Variants in SREBF1 observed in about 807,000 individuals in gnomAD.
SREBF1 encodes the protein sterol regulatory element-binding protein 1.
Under a neutral mutation model 100.1 loss-of-function variants are expected in SREBF1, and 45 were observed. That is an observed-to-expected ratio of 0.45 (90% CI 0.35 to 0.58). The LOEUF (loss-of-function observed/expected upper bound fraction) is 0.58, where lower values mean the gene tolerates loss of function less well. Among genes scored for constraint, SREBF1 ranks in the 20% least tolerant of loss-of-function variants. The pLI is 0.00. For synonymous variants in SREBF1, 657 were observed against 681.8 expected (o/e 0.96, Z 0.57); for missense variants, 1,324 against 1,539.4 (o/e 0.86, Z 2.34).
chr17:17,829,217 T>A (rs376801286), intron 1 of SREBF1, among the ~76,000 whole-genome samples: 47,931 of 116,426 alleles, frequency 0.41, 12,175 homozygotes, highest in Non-Finnish European at 0.54. Flanking sequence ...TATATATATA[T>A]ATATATATAT....
chr17:17,822,298 T>C (rs963031625), intron 1 of SREBF1, among the ~76,000 whole-genome samples: 14 of 152,236 alleles, frequency 9.2e-5, no homozygotes, highest in Admixed American at 2.6e-4. Flanking sequence ...AGACCAAGGC[T>C]TAGGGCCAAG....
chr17:17,812,093 T>C lies in SREBF1; in HGVS notation c.*529A>G. The C allele has an allele frequency of 2.3e-6, 1 of 432,462 alleles. No individual in the cohort carries two copies. Among genetic ancestry groups the C allele is most frequent in the Non-Finnish European group, 4.5e-6 (1 of 221,584 alleles). 26.8% of individuals were successfully genotyped at this position (432,462 alleles called of 1,614,324 possible). On this transcript the variant is annotated 3_prime_UTR_variant, in exon 19 of 19. Transcript: ENST00000261646. ...AAACCCAGATTATAAATAATTTCAT[T>C]TTTAATTCTCTGTACAAAACTTCTC...
Position 17,812,792 on chromosome 17 carries a change from G to A in SREBF1, c.3274C>T (p.Leu1092=). 3.9e-6 allele frequency: 6 copies of A among 1,524,996 alleles called. No individual in the cohort carries two copies. Among genetic ancestry groups the A allele is most frequent in the Non-Finnish European group, 5.3e-6 (6 of 1,137,800 alleles). 94.5% of individuals were successfully genotyped at this position (1,524,996 alleles called of 1,614,324 possible). A position where few individuals can be genotyped will look rare whatever the true frequency, so the allele number is the denominator to read the frequency against. ...TRREHAEALL[L]ASCYLPPGFL... ...CCGGGGGGCAGGTAGCAGGAGGCCAGCAGCAAGGCCTCCGCGTGCTCCCGC... is the reference window on the plus strand; with the variant it reads ...CCGGGGGGCAGGTAGCAGGAGGCCAACAGCAAGGCCTCCGCGTGCTCCCGC... Residue 1092 remains leucine, a synonymous_variant, in exon 19 of 19, where the codon CTG becomes TTG. Coordinates refer to ENST00000261646, the MANE Select transcript of SREBF1 (RefSeq NM_004176.5).
intron 1 of SREBF1, among the ~76,000 whole-genome samples, chr17:17,826,427 C>T (rs981519300): frequency 7.2e-5 from 11 of 152,096 alleles, no homozygotes; most frequent in African/African-American, 2.7e-4. Flanking sequence ...TCTCTAGGGG[C>T]TCACTGTGGC....
intron 1 of SREBF1, among the ~76,000 whole-genome samples, chr17:17,822,190 G>A (rs2034149677): frequency 1.3e-5 from 2 of 152,220 alleles, no homozygotes; most frequent in Non-Finnish European, 2.9e-5. Context: ...TCAAACCCAG[G>A]TCTACAAAAT....
chr17:17,829,819 T>C (rs943173232), intron 1 of SREBF1, among the ~76,000 whole-genome samples: 1 of 152,014 alleles, frequency 6.6e-6, no homozygotes, highest in Non-Finnish European at 1.5e-5. Flanking sequence ...CCAAGCTAAT[T>C]TTTTTAGTTT....
Position 17,813,442 on chromosome 17 carries a change from C to T in SREBF1, c.3140G>A (p.Gly1047Glu). 6.2e-7 allele frequency: 1 copy of T among 1,604,724 alleles called. No homozygotes were observed. The highest frequency in any genetic ancestry group is 1.1e-5 in the South Asian group (1 of 89,646). The change falls in exon 18 of 19, where the codon GGG (glycine) becomes GAG (glutamate). Residue 1047 changes from glycine (G) to glutamate (E), a missense_variant. By Grantham distance (98) the Gly-to-Glu change is moderately conservative. Coordinates refer to ENST00000261646, the MANE Select transcript of SREBF1 (RefSeq NM_004176.5). ...LHEATARLMA[G>E]ASPTRTHQLL... ...CTGGTGTGTCCGTGTGGGGCTGGCCCCCGCCATCAGCCGGGCCGTGGCCTC... is the reference window on the plus strand; with the variant it reads ...CTGGTGTGTCCGTGTGGGGCTGGCCTCCGCCATCAGCCGGGCCGTGGCCTC...
intron 1 of SREBF1, among the ~76,000 whole-genome samples, chr17:17,825,259 A>G (rs917196372): frequency 2.6e-5 from 4 of 152,132 alleles, no homozygotes; most frequent in South Asian, 2.1e-4. Context: ...TTTACCACAT[A>G]TTCCTGCCTC....
In SREBF1 at chr17:17,824,713, A is replaced by C. The variant is rs895913433; in HGVS notation, c.92-4192T>G. ...AGCGCCTCTGCCTGGTCCACACCCC[A>C]GTTGGCTGCAACCTGAGAGGGTGCC... On this transcript the variant is annotated intron_variant, in intron 1 of 18. Transcript: ENST00000261646. The surrounding 1 kb of genome is among the most constrained non-coding windows in gnomAD (Gnocchi z 4.2). Among the ~76,000 whole-genome samples the C allele has an allele frequency of 3.9e-5, 6 of 152,310 alleles. No homozygotes were observed. The highest frequency in any genetic ancestry group is 2.1e-4 in the South Asian group (1 of 4,830).
chr17:17,812,943 C>T, intron 18 of SREBF1, 92 bp from the exon 19 acceptor site: 1 of 1,214,448 alleles, frequency 8.2e-7, no homozygotes, highest in Non-Finnish European at 1.1e-6. Flanking sequence ...CACCAGCCGC[C>T]TGTACCTGGC....
At chr17:17,829,205 A>AAAAAAAAAAAAAATATATAT (rs1210718799) in intron 1 of SREBF1, among the ~76,000 whole-genome samples, 6 of 65,834 alleles carry the variant, frequency 9.1e-5, no homozygotes, top group African/African-American at 5.3e-4. Context: ...AAAAAAAAAA[A>AAAAAAAAAAAAAATATATAT]ATATATATAT....
In SREBF1 at chr17:17,817,045, G is replaced by A. The variant is rs34380995; in HGVS notation, c.1698C>T (p.Val566=). 4 of 1,613,064 alleles carry A rather than the reference G, an allele frequency of 2.5e-6. No homozygotes were observed. In the African/African-American group the frequency reaches 5.3e-5, roughly 22 times the overall value. The change falls in exon 9 of 19, where the codon GTC becomes GTT. Residue 566 remains valine (V), a synonymous_variant. Transcript: ENST00000261646. This position sits in a 1 kb window ranked among gnomAD's most constrained non-coding sequence, Gnocchi z 6.6. ...LVLVSLVLLF[V]YGEPVTRPHS... ...GGGGCCGTGTGACTGGCTCACCGTA[G>A]ACAAAGAGAAGCACCAAGGAGACGA...
chr17:17,834,911 G>A (rs918519126), intron 1 of SREBF1, among the ~76,000 whole-genome samples: 13 of 152,308 alleles, frequency 8.5e-5, no homozygotes, highest in African/African-American at 3.1e-4. Context: ...CTACTTGGGA[G>A]ACTAAGGCAG....
At chr17:17,814,484 G>T in intron 15 of SREBF1, 74 bp from the exon 16 acceptor site, 1 of 1,541,320 alleles carries the variant, frequency 6.5e-7, no homozygotes, top group Non-Finnish European at 8.7e-7. Flanking sequence ...CCACTTCCCT[G>T]GCTCGAGTTC....
chr17:17,815,953 A>G lies in SREBF1; in HGVS notation c.2290T>C (p.Cys764Arg), dbSNP rs1393996756. 1 of 1,612,936 alleles carries G rather than the reference A, an allele frequency of 6.2e-7. No homozygotes were observed. Among genetic ancestry groups the G allele is most frequent in the South Asian group, 1.1e-5 (1 of 91,092 alleles). Residue 764 changes from cysteine to arginine, a missense_variant, in exon 12 of 19, where the codon TGC becomes CGC. Cys to Arg is a radical substitution (Grantham distance 180). Coordinates refer to ENST00000261646, the MANE Select transcript of SREBF1 (RefSeq NM_004176.5). ...GSVPPAMQWL[C>R]HPVGHRFFVD... is the part of the protein sequence containing the mutation. ...AAGAAACGGTGGCCCACGGGGTGGC[A>G]GAGCCACTGCATGGCAGGAGGCACT...
rs375059574 is a variant in SREBF1, at chr17:17,820,280, C to A, written c.333G>T (p.Pro111=). 2 of 1,613,818 alleles carry A rather than the reference C, an allele frequency of 1.2e-6. No individual in the cohort carries two copies. The highest frequency in any genetic ancestry group is 3.3e-5 in the Admixed American group (2 of 60,016). The part of the protein sequence containing the change: ...QPAPTPLKMY[P]SMPAFSPGPG... ...GCCCAGGGGAGAAAGCGGGCATGGA[C>A]GGGTACATCTTCAATGGAGTGGGTG... The change falls in exon 2 of 19, where the codon CCG becomes CCT. Residue 111 remains proline, a synonymous_variant. Coordinates refer to ENST00000261646, the MANE Select transcript of SREBF1 (RefSeq NM_004176.5).
Position 17,816,500 on chromosome 17 carries a change from G to A in SREBF1, c.2004C>T (p.Asp668=), listed in dbSNP as rs142887672. ...GCAGCTTATGGTAGACCAGGGCTGC[G>A]TCTCGGGCGCTGGCGCTAGCATCCA... ...LRVDASASAR[D]AALVYHKLHQ... The change falls in exon 10 of 19, where the codon GAC becomes GAT. Residue 668 remains aspartate, a synonymous_variant. Transcript: ENST00000261646. The A allele has an allele frequency of 1.0e-4, 166 of 1,604,410 alleles. No individual in the cohort carries two copies. In the East Asian group the frequency reaches 1.3e-3, roughly 12 times the overall value.
chr17:17,815,196 T>C, intron 13 of SREBF1, 25 bp downstream of exon 13: 1 of 1,601,788 alleles, frequency 6.2e-7, no homozygotes, highest in East Asian at 2.2e-5. Flanking sequence ...GGGCCTTGCC[T>C]GGAGGAGGGC....
In SREBF1 at chr17:17,820,371, G is replaced by A. The variant is rs372028527; in HGVS notation, c.242C>T (p.Ser81Phe). Residue 81 changes from serine to phenylalanine, a missense_variant, in exon 2 of 19, where the codon TCC (serine) becomes TTC (phenylalanine). Physicochemically the swap from Ser to Phe is radical, Grantham distance 155 (BLOSUM62 -2). Transcript: ENST00000261646. ...CCCGCTCAGGAAGGCTTCAAGAGAG[G>A]AGCTCAATGTGGCAGGAGGTGGAGA... ...SLSPPPATLS[S>F]SLEAFLSGPQ... 2 of 1,612,706 alleles carry A rather than the reference G, an allele frequency of 1.2e-6. No individual in the cohort carries two copies. Among genetic ancestry groups the A allele is most frequent in the East Asian group, 2.2e-5 (1 of 44,844 alleles).
Sources: gnomAD v4.1 joint callset for allele counts (sites outside exome capture counted in the v4.1 genomes callset) on GRCh38, gnomAD v4.1.1 for gene constraint, Gnocchi (gnomAD v3.1) non-coding constraint, MANE v1.5 for transcripts, NCBI Gene and HGNC (gene_info 2026-07-23, HGNC 2026-07-21) for gene names.